The following SH3RF3 variants were observed in gnomAD, a reference collection of about 807,000 sequenced individuals.
SH3RF3 encodes the protein SH3 domain containing ring finger 3, also known as E3 ubiquitin-protein ligase SH3RF3.
In SH3RF3, 29 loss-of-function variants were observed where a neutral mutation model predicts 66.3. That is an observed-to-expected ratio of 0.44 (90% confidence interval 0.33 to 0.60). The LOEUF (loss-of-function observed/expected upper bound fraction) is 0.60, where lower values mean the gene tolerates loss of function less well. Among genes scored for constraint, SH3RF3 ranks in the 20% least tolerant of loss-of-function variants. The pLI is 0.04. For missense variants in SH3RF3, 1,194 were observed against 1,190.9 expected, an observed-to-expected ratio of 1.00 and a Z score of -0.04; for synonymous variants, 583 against 532.0, an observed-to-expected ratio of 1.10 and a Z score of -1.32.
At chr2:109,262,978 G>GCGCAC (rs1455792097) in intron 1 of SH3RF3, among the ~76,000 whole-genome samples, 1 of 151,894 alleles carries the variant, frequency 6.6e-6, no homozygotes, top group Non-Finnish European at 1.5e-5. Context: ...GAGTACAGGT[G>GCGCAC]CCCGCCACCA....
intron 3 of SH3RF3, among the ~76,000 whole-genome samples, chr2:109,393,732 C>T (rs1251241981): frequency 2.0e-5 from 3 of 152,046 alleles, no homozygotes; most frequent in African/African-American, 7.3e-5. Flanking sequence ...GCTCTTCCTC[C>T]ACTCTGGGTC....
At chr2:109,406,453 G>A (rs1238983223) in intron 4 of SH3RF3, among the ~76,000 whole-genome samples, 2 of 152,064 alleles carry the variant, frequency 1.3e-5, no homozygotes, top group Admixed American at 6.5e-5. Flanking sequence ...CCACGTTCTC[G>A]GAGGCACCAA....
intron 8 of SH3RF3, among the ~76,000 whole-genome samples, chr2:109,480,841 G>A (rs1380822487): frequency 3.3e-5 from 5 of 152,304 alleles, no homozygotes; most frequent in South Asian, 2.1e-4. Flanking sequence ...AGGGCGGTTC[G>A]CTGTTCTCTA....
intron 1 of SH3RF3, among the ~76,000 whole-genome samples, chr2:109,189,490 T>G (rs1357656506): frequency 1.3e-5 from 2 of 151,380 alleles, no homozygotes; most frequent in Non-Finnish European, 2.9e-5. Context: ...TGCCTCAACC[T>G]CCCGAGTAGC....
intron 3 of SH3RF3, among the ~76,000 whole-genome samples, chr2:109,377,271 G>A (rs940000523): frequency 3.3e-5 from 5 of 152,316 alleles, no homozygotes; most frequent in East Asian, 3.9e-4. Context: ...CCAGCGGGGC[G>A]TTGGTCTGTG....
chr2:109,243,285 A>G (rs1679832614), intron 1 of SH3RF3, among the ~76,000 whole-genome samples: 1 of 152,246 alleles, frequency 6.6e-6, no homozygotes, highest in Non-Finnish European at 1.5e-5. Flanking sequence ...CGTCAGCCGT[A>G]CACCGCATGG....
At chr2:109,360,711 T>C (rs1353189401) in intron 2 of SH3RF3, among the ~76,000 whole-genome samples, 1 of 152,260 alleles carries the variant, frequency 6.6e-6, no homozygotes, top group Non-Finnish European at 1.5e-5. Context: ...TTCTAGAAGT[T>C]CTTCAGTTGG....
intron 1 of SH3RF3, among the ~76,000 whole-genome samples, chr2:109,324,736 A>C (rs999877642): frequency 6.6e-6 from 1 of 152,212 alleles, no homozygotes. Flanking sequence ...GAATTGCTGC[A>C]TAAGCGCCAA....
chr2:109,467,856 C>T (rs1366906321), intron 8 of SH3RF3, among the ~76,000 whole-genome samples: 1 of 152,170 alleles, frequency 6.6e-6, no homozygotes, highest in Non-Finnish European at 1.5e-5. Context: ...GAGCACCCTC[C>T]GCCGTCATTC....
intron 1 of SH3RF3, among the ~76,000 whole-genome samples, chr2:109,324,329 C>G (rs904230840): frequency 6.6e-6 from 1 of 152,072 alleles, no homozygotes. Context: ...GGTACTGGGT[C>G]GCATGGTAAC....
intron 1 of SH3RF3, among the ~76,000 whole-genome samples, chr2:109,201,456 A>G (rs1678673457): frequency 6.6e-6 from 1 of 152,120 alleles, no homozygotes; most frequent in Non-Finnish European, 1.5e-5. Flanking sequence ...ACAGGCCAGC[A>G]GTCCCACCTC....
intron 1 of SH3RF3, among the ~76,000 whole-genome samples, chr2:109,314,724 C>G (rs548516929): frequency 6.6e-6 from 1 of 152,290 alleles, no homozygotes; most frequent in African/African-American, 2.4e-5. Context: ...TTTACAAGTG[C>G]ATAATATCCA....
At chr2:109,294,901 A>T (rs530391718) in intron 1 of SH3RF3, among the ~76,000 whole-genome samples, 2 of 152,354 alleles carry the variant, frequency 1.3e-5, no homozygotes, top group African/African-American at 4.8e-5. Flanking sequence ...TGAGGAGAGA[A>T]GCAGGGAGGG....
chr2:109,452,846 CT>C (rs757843946), intron 8 of SH3RF3, among the ~76,000 whole-genome samples: 39 of 149,814 alleles, frequency 2.6e-4, no homozygotes, highest in Non-Finnish European at 5.0e-4. Flanking sequence ...AGGCTGGTCC[CT>C]GGGAGGCTGG....
At chr2:109,332,775 G>GC (rs1337219228) in intron 1 of SH3RF3, among the ~76,000 whole-genome samples, 1 of 152,214 alleles carries the variant, frequency 6.6e-6, no homozygotes, top group Non-Finnish European at 1.5e-5. Context: ...AGGCACAGGT[G>GC]CTAGTGTGGG....
intron 4 of SH3RF3, among the ~76,000 whole-genome samples, chr2:109,415,285 T>C (rs1218822197): frequency 6.6e-6 from 1 of 152,206 alleles, no homozygotes; most frequent in African/African-American, 2.4e-5. Context: ...TGTGAGGAAC[T>C]AACACCACGG....
At chr2:109,434,081 C>A (rs13387626) in intron 6 of SH3RF3, among the ~76,000 whole-genome samples, 2,298 of 152,344 alleles carry the variant, frequency 0.015, 61 homozygotes, top group African/African-American at 0.053. Context: ...GTGCTTGAAG[C>A]CCCTGGCCTG....
chr2:109,338,292 A>G (rs1682476957), intron 1 of SH3RF3, among the ~76,000 whole-genome samples: 1 of 152,180 alleles, frequency 6.6e-6, no homozygotes, highest in South Asian at 2.1e-4. Context: ...AAACTGAGGC[A>G]TGGAGCAGGC....
intron 4 of SH3RF3, among the ~76,000 whole-genome samples, chr2:109,414,173 G>A (rs1297763963): frequency 6.6e-6 from 1 of 152,172 alleles, no homozygotes; most frequent in Non-Finnish European, 1.5e-5. Flanking sequence ...CCTCCTCACT[G>A]TCTCCCAGGC....
Sources: gnomAD v4.1 joint callset for allele counts (sites outside exome capture counted in the v4.1 genomes callset) on GRCh38, gnomAD v4.1.1 for gene constraint, MANE v1.5 for transcripts, NCBI Gene and HGNC (gene_info 2026-07-23, HGNC 2026-07-21) for gene names.